Variants in PP2D1 observed in about 807,000 individuals in gnomAD.
PP2D1 encodes protein phosphatase 2C-like domain-containing protein 1.
PP2D1 carries 25 observed loss-of-function variants against 30.2 expected under a neutral mutation model. That is an observed-to-expected ratio of 0.83 (90% confidence interval 0.60 to 1.16). PP2D1 has a LOEUF of 1.16. Ranked by LOEUF, PP2D1 falls within the 50% of genes most tolerant of loss-of-function variation. PP2D1 has a pLI of 0.00. For missense variants in PP2D1, 760 were observed against 742.4 expected (o/e 1.02, Z -0.28); for synonymous variants, 260 against 258.9 (o/e 1.00, Z -0.04).
At chr3:19,993,224 GAT>G (rs1481428164) in intron 2 of PP2D1, among the ~76,000 whole-genome samples, 2 of 152,096 alleles carry the variant, frequency 1.3e-5, no homozygotes, top group African/African-American at 4.8e-5. Context: ...TAGACATAAA[GAT>G]ATTGGAATAA....
downstream of PP2D1, chr3:19,985,302 G>T: frequency 1.0e-6 from 1 of 992,730 alleles, no homozygotes; most frequent in Non-Finnish European, 1.4e-6. Context: ...GCATGGTATT[G>T]ATGAATCATC....
intron 2 of PP2D1, chr3:19,996,670 T>C (rs1697183349): frequency 6.6e-6 from 1 of 151,942 alleles, no homozygotes; most frequent in Admixed American, 6.6e-5. Context: ...TGAATGTAGA[T>C]GTGAAAATCC....
intron 3 of PP2D1, chr3:19,980,297 G>T (rs1696899223): frequency 6.6e-6 from 1 of 152,116 alleles, no homozygotes; most frequent in Non-Finnish European, 1.5e-5. Flanking sequence ...ATTCAAACAT[G>T]CTAATAAAGT....
rs1368377413 is a variant in PP2D1 at position 19,985,422 on chromosome 3, C to T, written c.1851G>A (p.Met617Ile). 8 of 1,535,038 alleles carry T rather than the reference C, an allele frequency of 5.2e-6. No homozygotes were observed. Among genetic ancestry groups the T allele is most frequent in the East Asian group, 2.4e-5 (1 of 40,888 alleles). ...LAGSRDNITVMVIFLNGSEYQ... is the reference protein window; with the variant it reads ...LAGSRDNITVIVIFLNGSEYQ... ...ATTCACTTCCATTGAGAAATATTACCATAACTGTAATGTTGTCTCTGGAGC... is the reference window on the plus strand; with the variant it reads ...ATTCACTTCCATTGAGAAATATTACTATAACTGTAATGTTGTCTCTGGAGC... Residue 617 changes from methionine to isoleucine, a missense_variant, in exon 3 of 3, where the codon ATG becomes ATA. Physicochemically the swap from Met to Ile is conservative, Grantham distance 10 (BLOSUM62 1). Around this residue, in one of 3 missense-constraint regions of PP2D1, gnomAD observed 369 missense variants for 316.2 expected, o/e 1.17. Transcript: ENST00000389050.
chr3:19,986,282 A>G, intron 2 of PP2D1, 100 bp from the exon 3 acceptor site: 1 of 816,508 alleles, frequency 1.2e-6, no homozygotes, highest in South Asian at 2.1e-5. Context: ...TTTCAATGCT[A>G]AACAGAAAGC....
At chr3:19,992,714 C>T (rs537525229) in intron 2 of PP2D1, among the ~76,000 whole-genome samples, 1 of 152,218 alleles carries the variant, frequency 6.6e-6, no homozygotes, top group Admixed American at 6.5e-5. Flanking sequence ...AGTCCTGGCT[C>T]ACTCACTGGT....
chr3:20,001,058 A>C lies in PP2D1; in HGVS notation c.1062T>G (p.Ile354Met). ...TGTTTGCAACATGTAATATTCCAGA[A>C]ATTATTTTTGGCATCTCCTGGGAAG... Reference protein sequence around the residue: ...SSPSQEMPKIISGILHVANTG... With the variant: ...SSPSQEMPKIMSGILHVANTG... The change falls in exon 2 of 3, where the codon ATT becomes ATG. Residue 354 changes from isoleucine (I) to methionine (M), a missense_variant. Ile to Met is a conservative substitution (Grantham distance 10, BLOSUM62 1). Transcript: ENST00000389050. 7.2e-7 allele frequency: 1 copy of C among 1,397,180 alleles called. No homozygotes were observed. Among genetic ancestry groups the C allele is most frequent in the East Asian group, 2.5e-5 (1 of 39,828 alleles). 86.5% of individuals were successfully genotyped at this position (1,397,180 alleles called of 1,614,324 possible). A position where few individuals can be genotyped will look rare whatever the true frequency, so the allele number is the denominator to read the frequency against.
chr3:19,993,765 A>G (rs1697145004), intron 2 of PP2D1, among the ~76,000 whole-genome samples: 1 of 152,004 alleles, frequency 6.6e-6, no homozygotes, highest in Non-Finnish European at 1.5e-5. Flanking sequence ...TTTGAGACGG[A>G]GTCTCGCTCT....
chr3:19,995,197 C>T (rs768757757), intron 2 of PP2D1, among the ~76,000 whole-genome samples: 1 of 152,136 alleles, frequency 6.6e-6, no homozygotes, highest in African/African-American at 2.4e-5. Context: ...CACCCACAAC[C>T]TGTCAATGTG....
At chr3:19,982,080 A>G (rs79772718), downstream of PP2D1, among the ~76,000 whole-genome samples, 3 of 144,552 alleles carry the variant, frequency 2.1e-5, no homozygotes, top group African/African-American at 7.6e-5. Context: ...TATCTCTACC[A>G]AAAAAAAAAA....
chr3:19,995,967 G>A, intron 2 of PP2D1, among the ~76,000 whole-genome samples: 1 of 152,040 alleles, frequency 6.6e-6, no homozygotes, highest in East Asian at 1.9e-4. Context: ...TGCAGCAAAA[G>A]TGATACTAAT....
In PP2D1 at chr3:20,001,363, T is replaced by C. The variant is rs1487634006; in HGVS notation, c.757A>G (p.Thr253Ala). 6.5e-7 allele frequency: 1 copy of C among 1,536,352 alleles called. No individual in the cohort carries two copies. The highest frequency in any genetic ancestry group is 8.7e-7 in the Non-Finnish European group (1 of 1,146,884). The change falls in exon 2 of 3, where the codon ACT becomes GCT. Residue 253 changes from threonine (T) to alanine (A), a missense_variant. Transcript: ENST00000389050. Reference sequence around the variant, plus strand: ...GCTGCGTATTCTTCTCTAAACACAGTGTAAAAGGAATTGATTATTTGTTGC... The same window carrying C: ...GCTGCGTATTCTTCTCTAAACACAGCGTAAAAGGAATTGATTATTTGTTGC... ...DEQQIINSFY[T>A]VFREEYAAIE...
chr3:19,989,206 C>A (rs1697083932), intron 2 of PP2D1, among the ~76,000 whole-genome samples: 1 of 152,096 alleles, frequency 6.6e-6, no homozygotes, highest in African/African-American at 2.4e-5. Context: ...ATGGTGCACA[C>A]CTGTAATCCC....
downstream of PP2D1, chr3:19,983,820 C>G (rs1696979756): frequency 6.3e-7 from 1 of 1,582,570 alleles, no homozygotes; most frequent in Non-Finnish European, 8.7e-7. Context: ...GTTGTAGTAA[C>G]TAAACCTCTA....
chr3:20,006,495 G>A (rs1697319751), intron 1 of PP2D1, among the ~76,000 whole-genome samples: 1 of 152,094 alleles, frequency 6.6e-6, no homozygotes, highest in Non-Finnish European at 1.5e-5. Flanking sequence ...CGTAGTATTT[G>A]CATCTTCCTT....
intron 2 of PP2D1, among the ~76,000 whole-genome samples, chr3:19,997,536 A>G (rs1559498288): frequency 6.6e-6 from 1 of 152,200 alleles, no homozygotes; most frequent in Non-Finnish European, 1.5e-5. Context: ...TATGTAGCCA[A>G]TGGATATCAA....
At chr3:19,983,732 C>T (rs747492893), downstream of PP2D1, 3 of 1,611,020 alleles carry the variant, frequency 1.9e-6, no homozygotes, top group South Asian at 2.2e-5. Context: ...AAGAATGAAC[C>T]ACAAAATCCA....
At chr3:19,983,902 C>G (rs1696981523), downstream of PP2D1, 1 of 919,964 alleles carries the variant, frequency 1.1e-6, no homozygotes, top group Non-Finnish European at 1.7e-6. Flanking sequence ...TTTAACCAGC[C>G]CAGTATGACT....
Position 20,002,080 on chromosome 3 carries a change from T to C in PP2D1, c.40A>G (p.Arg14Gly), listed in dbSNP as rs1263007442. ...NNALRVFWKS[R>G]EWNMKTSTFD... is the part of the protein sequence containing the mutation. ...GTTGATGTTTTCATATTCCATTCTC[T>C]TGATTTCCAAAACACTCTGCAAACA... Residue 14 changes from arginine (R) to glycine (G), a missense_variant, in exon 2 of 3, where the codon AGA becomes GGA. Arg to Gly is a moderately radical substitution (Grantham distance 125, BLOSUM62 -2). Coordinates refer to ENST00000389050, the MANE Select transcript of PP2D1 (RefSeq NM_001252657.2). 6.5e-7 allele frequency: 1 copy of C among 1,531,334 alleles called. No homozygotes were observed. Among genetic ancestry groups the C allele is most frequent in the East Asian group, 2.4e-5 (1 of 40,916 alleles). 94.9% of individuals were successfully genotyped at this position (1,531,334 alleles called of 1,614,324 possible). A position where few individuals can be genotyped will look rare whatever the true frequency, so the allele number is the denominator to read the frequency against.
Sources: allele counts gnomAD v4.1 joint callset (sites outside exome capture counted in the v4.1 genomes callset), GRCh38; gene constraint gnomAD v4.1.1; regional missense constraint gnomAD v4.1.1; transcripts MANE v1.5; gene names NCBI Gene and HGNC (gene_info 2026-07-23, HGNC 2026-07-21).